CLVS1: variants seen among roughly 807,000 people sequenced by gnomAD.
CLVS1 encodes the protein clavesin 1.
A neutral mutation model predicts 33.1 loss-of-function variants in CLVS1; 10 were observed. That is an observed-to-expected ratio of 0.30 (90% CI 0.19 to 0.51). The LOEUF is 0.51. Among genes scored for constraint, CLVS1 ranks in the 20% least tolerant of loss-of-function variants. CLVS1 has a pLI of 0.97. For synonymous variants in CLVS1, 163 were observed against 166.1 expected (o/e 0.98, Z 0.14); for missense variants, 343 against 433.4 (o/e 0.79, Z 1.85).
At chr8:61,270,427 T>C (rs1185514249) in intron 2 of CLVS1, among the ~76,000 whole-genome samples, 1 of 152,236 alleles carries the variant, frequency 6.6e-6, no homozygotes, top group Non-Finnish European at 1.5e-5. Flanking sequence ...AGTATTTTAT[T>C]GAGGATTTTT....
the CLVS1 span, among the ~76,000 whole-genome samples, chr8:61,017,860 T>C: frequency 6.6e-6 from 1 of 152,226 alleles, no homozygotes; most frequent in Non-Finnish European, 1.5e-5. Flanking sequence ...ATGCCATCAG[T>C]TTAGGGCTCT....
intron 2 of CLVS1, among the ~76,000 whole-genome samples, chr8:61,151,334 G>A (rs1806530559): frequency 6.6e-6 from 1 of 152,118 alleles, no homozygotes; most frequent in East Asian, 1.9e-4. Flanking sequence ...ATAGGCCCTT[G>A]GGCTCTATTC....
the CLVS1 span, among the ~76,000 whole-genome samples, chr8:61,018,628 A>G: frequency 1.7e-4 from 26 of 152,350 alleles, no homozygotes; most frequent in African/African-American, 6.3e-4. Context: ...TCTCCTATAG[A>G]CACAATTATA....
rs140517328 is a variant in CLVS1, at chr8:61,265,938, C to G, written c.-151-33739C>G. The stretch of plus-strand genomic sequence containing the variant: ...ATCTTCCTGTGTCTCCACAGAGAAG[C>G]CCCCTCACCAGCCATTGCCTGCCAT... On this transcript the variant is annotated intron_variant, in intron 2 of 2. Coordinates refer to the CLVS1 transcript ENST00000522621. Among the ~76,000 whole-genome samples, 448 of 152,296 alleles carry G rather than the reference C, an allele frequency of 2.9e-3. 2 individuals are homozygous for G. Among genetic ancestry groups the G allele is most frequent in the African/African-American group, 0.01 (433 of 41,556 alleles).
At chr8:61,492,388 A>G (rs1425742633) in intron 5 of CLVS1, among the ~76,000 whole-genome samples, 1 of 152,194 alleles carries the variant, frequency 6.6e-6, no homozygotes, top group Non-Finnish European at 1.5e-5. Flanking sequence ...ATTACCTTTT[A>G]CAGTCCATCT....
intron 2 of CLVS1, among the ~76,000 whole-genome samples, chr8:61,240,724 A>G (rs3926540): frequency 0.15 from 22,157 of 151,720 alleles, 3,401 homozygotes; most frequent in East Asian, 0.69. Context: ...AAATACTAAC[A>G]CTTTTATTAT....
At chr8:61,019,623 A>G in the CLVS1 span, among the ~76,000 whole-genome samples, 2 of 152,086 alleles carry the variant, frequency 1.3e-5, no homozygotes, top group African/African-American at 4.8e-5. Flanking sequence ...ATCATTCTAG[A>G]ATGTCTTAAG....
rs559440115 is a variant in CLVS1, at chr8:61,133,900, AGT to A, written c.-152+2042_-152+2043del. ...TCTAGAGCTCCAAATTGGGTGACAG[AGT>A]GAATTGTGGTGCTAACAACCAGGGT... On this transcript the variant is annotated intron_variant, in intron 2 of 2. Transcript: ENST00000522621. Among the ~76,000 whole-genome samples, 550 of 152,254 alleles carry A rather than the reference AGT, an allele frequency of 3.6e-3. 4 individuals are homozygous for A. The highest frequency in any genetic ancestry group is 0.012 in the African/African-American group (487 of 41,534).
chr8:61,144,358 A>G (rs1458908211), intron 2 of CLVS1, among the ~76,000 whole-genome samples: 1 of 152,146 alleles, frequency 6.6e-6, no homozygotes, highest in Non-Finnish European at 1.5e-5. Context: ...AGCTTCATCC[A>G]TGTCCCTGCA....
chr8:60,995,268 A>G, the CLVS1 span, among the ~76,000 whole-genome samples: 1 of 152,026 alleles, frequency 6.6e-6, no homozygotes, highest in Non-Finnish European at 1.5e-5. Context: ...CTCATCTGAC[A>G]AAGGGCTAAT....
In CLVS1 at chr8:61,299,826, G is replaced by A; in HGVS notation, c.-2G>A. 6.2e-7 allele frequency: 1 copy of A among 1,603,452 alleles called. No individual in the cohort carries two copies. The highest frequency in any genetic ancestry group is 8.5e-7 in the Non-Finnish European group (1 of 1,173,778). The stretch of plus-strand genomic sequence containing the variant: ...CCACAGTTTCAGCAGACCATCAGGT[G>A]AATGGGACCAGTCTCTCTTCTTCCA... On this transcript the variant is annotated 5_prime_UTR_variant, in exon 2 of 6. Transcript: ENST00000325897.
At chr8:61,248,914 A>G (rs1808875638) in intron 2 of CLVS1, among the ~76,000 whole-genome samples, 1 of 151,968 alleles carries the variant, frequency 6.6e-6, no homozygotes, top group South Asian at 2.1e-4. Context: ...GCTATATGAA[A>G]TGCACTTCTT....
At chr8:61,456,936 A>G (rs1226482055) in intron 4 of CLVS1, among the ~76,000 whole-genome samples, 1 of 148,656 alleles carries the variant, frequency 6.7e-6, no homozygotes, top group Non-Finnish European at 1.5e-5. Flanking sequence ...AAAAAAATAC[A>G]TATAGATTTT....
At chr8:61,304,093 GAC>G (rs1233291518) in intron 2 of CLVS1, among the ~76,000 whole-genome samples, 13 of 152,232 alleles carry the variant, frequency 8.5e-5, no homozygotes, top group Admixed American at 8.5e-4. Context: ...TGGAAAGGCT[GAC>G]ACAGCTTTGC....
intron 5 of CLVS1, among the ~76,000 whole-genome samples, chr8:61,470,709 T>C (rs540306337): frequency 6.6e-6 from 1 of 152,352 alleles, no homozygotes; most frequent in East Asian, 1.9e-4. Flanking sequence ...TTTGACATAA[T>C]ATATGGTAGA....
At chr8:61,428,202 C>A (rs1048180081) in intron 3 of CLVS1, among the ~76,000 whole-genome samples, 1 of 152,138 alleles carries the variant, frequency 6.6e-6, no homozygotes, top group Non-Finnish European at 1.5e-5. Context: ...GCTTAGAAGG[C>A]GGCTTTTGCA....
At chr8:61,278,863 C>A (rs183255215) in intron 2 of CLVS1, among the ~76,000 whole-genome samples, 107 of 152,276 alleles carry the variant, frequency 7.0e-4, no homozygotes, top group African/African-American at 2.3e-3. Flanking sequence ...TACTCCCATG[C>A]TCCTGGGGCC....
the CLVS1 span, among the ~76,000 whole-genome samples, chr8:61,013,711 G>A: frequency 2.0e-5 from 3 of 152,204 alleles, no homozygotes; most frequent in African/African-American, 7.2e-5. Context: ...TGTGTGTGCC[G>A]ATGCCAAAAT....
At chr8:61,327,664 A>G (rs1387398504) in intron 2 of CLVS1, among the ~76,000 whole-genome samples, 3 of 152,278 alleles carry the variant, frequency 2.0e-5, no homozygotes, top group Admixed American at 6.5e-5. Flanking sequence ...ATGTGTTCAA[A>G]TGCATTTTTC....
Sources: allele counts gnomAD v4.1 joint callset (sites outside exome capture counted in the v4.1 genomes callset), GRCh38; gene constraint gnomAD v4.1.1; transcripts MANE v1.5; gene names NCBI Gene and HGNC (gene_info 2026-07-23, HGNC 2026-07-21).